PPFIBP1: variants seen among roughly 807,000 people sequenced by gnomAD.
PPFIBP1 encodes the protein liprin-beta-1.
A neutral mutation model predicts 137.8 loss-of-function variants in PPFIBP1; 112 were observed. The observed-to-expected ratio is 0.81, with a 90% CI of 0.70 to 0.95. PPFIBP1 has a LOEUF of 0.95. Among genes scored for constraint, PPFIBP1 ranks in the 40% least tolerant of loss-of-function variants. PPFIBP1 has a pLI of 0.00. For missense variants in PPFIBP1, 1,083 were observed against 1,196.6 expected, an observed-to-expected ratio of 0.91 and a Z score of 1.40; for synonymous variants, 378 against 417.3, an observed-to-expected ratio of 0.91 and a Z score of 1.15.
chr12:27,551,104 A>G (rs144696482), intron 1 of PPFIBP1, among the ~76,000 whole-genome samples: 2 of 152,152 alleles, frequency 1.3e-5, no homozygotes, highest in Non-Finnish European at 2.9e-5. Flanking sequence ...CTTCTCCAAG[A>G]TCACATAGCT....
At chr12:27,563,237 C>T (rs924919819) in intron 1 of PPFIBP1, among the ~76,000 whole-genome samples, 1 of 115,218 alleles carries the variant, frequency 8.7e-6, no homozygotes, top group African/African-American at 3.4e-5. Context: ...GTCAAGAGAT[C>T]AAGACCATCC....
intron 17 of PPFIBP1, among the ~76,000 whole-genome samples, chr12:27,675,684 T>A (rs1323148078): frequency 6.6e-6 from 1 of 152,192 alleles, no homozygotes; most frequent in Non-Finnish European, 1.5e-5. Flanking sequence ...CAACTCAAGA[T>A]GGATTAAGAA....
At chr12:27,636,184 A>C (rs989187197) in intron 4 of PPFIBP1, 2 of 152,128 alleles carry the variant, frequency 1.3e-5, no homozygotes, top group African/African-American at 4.8e-5. Flanking sequence ...CTGTGTTCCC[A>C]CCTGGTTTAC....
chr12:27,623,659 G>A (rs989155760), intron 2 of PPFIBP1, among the ~76,000 whole-genome samples: 8 of 152,236 alleles, frequency 5.3e-5, no homozygotes, highest in South Asian at 2.1e-4. Flanking sequence ...AGTGAGCCGC[G>A]ATCATGCCAC....
chr12:27,630,359 G>C (rs180963777), intron 2 of PPFIBP1, among the ~76,000 whole-genome samples: 94 of 152,216 alleles, frequency 6.2e-4, no homozygotes, highest in Admixed American at 4.8e-3. Flanking sequence ...ATGACTTCCT[G>C]ATGAATTAAC....
In PPFIBP1 at chr12:27,667,332, CT is replaced by C. The variant is rs750561402; in HGVS notation, c.1146+15del. The C allele has an allele frequency of 1.1e-5, 18 of 1,569,108 alleles. No individual in the cohort carries two copies. The highest frequency in any genetic ancestry group is 6.8e-5 in the African/African-American group (5 of 73,330). ...GTGTTCCCGAAGAGGTATTAATAGA[CT>C]TTCAGTATTTCCTTTATGTTGAAGA... On this transcript the variant is annotated intron_variant, in intron 13 of 29. Coordinates refer to ENST00000228425, the MANE Select transcript of PPFIBP1 (RefSeq NM_003622.4).
intron 1 of PPFIBP1, among the ~76,000 whole-genome samples, chr12:27,555,465 A>G (rs1258409098): frequency 1.3e-5 from 2 of 152,224 alleles, no homozygotes; most frequent in Non-Finnish European, 2.9e-5. Flanking sequence ...AGCGGGCTAA[A>G]TAACAGTGAT....
intron 2 of PPFIBP1, among the ~76,000 whole-genome samples, chr12:27,597,898 A>G (rs1355989235): frequency 6.6e-6 from 1 of 152,090 alleles, no homozygotes; most frequent in Non-Finnish European, 1.5e-5. Context: ...CTCTGTCTCC[A>G]GGGTTCAAGG....
chr12:27,556,386 C>T (rs2048706413), intron 1 of PPFIBP1, among the ~76,000 whole-genome samples: 1 of 152,180 alleles, frequency 6.6e-6, no homozygotes, highest in Non-Finnish European at 1.5e-5. Context: ...GAGTGAAAAA[C>T]CAGTTTCAGG....
chr12:27,690,819 T>C (rs2061489447), intron 27 of PPFIBP1, among the ~76,000 whole-genome samples: 1 of 151,998 alleles, frequency 6.6e-6, no homozygotes, highest in Admixed American at 6.6e-5. Context: ...ACTTTAAAAA[T>C]GATTGAAGGT....
At chr12:27,648,887 G>A (rs532707621) in intron 6 of PPFIBP1, among the ~76,000 whole-genome samples, 283 of 152,256 alleles carry the variant, frequency 1.9e-3, no homozygotes, top group Non-Finnish European at 3.7e-3. Flanking sequence ...GGAGGATGGC[G>A]AAGGGGTACA....
intron 2 of PPFIBP1, among the ~76,000 whole-genome samples, chr12:27,603,181 A>C (rs377162199): frequency 1.1e-4 from 17 of 152,204 alleles, no homozygotes; most frequent in East Asian, 7.7e-4. Flanking sequence ...AACTGTGTGC[A>C]TACCAGTTGA....
Position 27,618,098 on chromosome 12 carries a change from T to C in PPFIBP1, c.-35-15264T>C, listed in dbSNP as rs573204636. Among the ~76,000 whole-genome samples, 6 of 152,372 alleles carry C rather than the reference T, an allele frequency of 3.9e-5. No individual in the cohort carries two copies. The South Asian group carries it at 1.2e-3, about 32-fold the overall frequency. ...TCTAAGACATGAAAGAGTCAGAGTCTAACAAGTCCATTAATATTCTATTCT... is the reference window on the plus strand; with the variant it reads ...TCTAAGACATGAAAGAGTCAGAGTCCAACAAGTCCATTAATATTCTATTCT... On this transcript the variant is annotated intron_variant, in intron 2 of 29. Coordinates refer to ENST00000228425, the MANE Select transcript of PPFIBP1 (RefSeq NM_003622.4).
rs752801908 is a variant in PPFIBP1, at chr12:27,671,565, G to A, written c.1262+19G>A. ...AAGAAAAGTATGTCATTTATTAACA[G>A]TGCAATATAAATGTTCAAAAAAGTA... On this transcript the variant is annotated intron_variant, in intron 14 of 29. Transcript: ENST00000228425. 1.4e-6 allele frequency: 2 copies of A among 1,425,976 alleles called. No homozygotes were observed. The highest frequency in any genetic ancestry group is 2.9e-5 in the African/African-American group (2 of 68,822). 88.3% of individuals were successfully genotyped at this position (1,425,976 alleles called of 1,614,324 possible).
intron 27 of PPFIBP1, 94 bp from the exon 28 acceptor site, chr12:27,691,655 G>A: frequency 4.5e-6 from 4 of 886,688 alleles, no homozygotes; most frequent in Non-Finnish European, 6.9e-6. Context: ...TAGGAGGGAG[G>A]GGGCAACGCA....
At chr12:27,533,214 C>T (rs1944600375) in intron 1 of PPFIBP1, among the ~76,000 whole-genome samples, 1 of 152,078 alleles carries the variant, frequency 6.6e-6, no homozygotes, top group Non-Finnish European at 1.5e-5. Context: ...ATTTGAACAT[C>T]TGGAGTTTGA....
chr12:27,568,588 G>A (rs2136593877), intron 1 of PPFIBP1, among the ~76,000 whole-genome samples: 2 of 152,286 alleles, frequency 1.3e-5, no homozygotes, highest in African/African-American at 4.8e-5. Context: ...AGTGCTTGTG[G>A]GTGTAGTGGG....
At chr12:27,588,399 C>G (rs893063253) in intron 2 of PPFIBP1, among the ~76,000 whole-genome samples, 1 of 152,152 alleles carries the variant, frequency 6.6e-6, no homozygotes, top group African/African-American at 2.4e-5. Flanking sequence ...CTAACTTGAT[C>G]TCTAAAGTCA....
Position 27,634,893 on chromosome 12 carries a change from G to A in PPFIBP1, c.65-17G>A. On this transcript the variant is annotated splice_polypyrimidine_tract_variant and intron_variant, in intron 3 of 29. Coordinates refer to ENST00000228425, the MANE Select transcript of PPFIBP1 (RefSeq NM_003622.4). ...ACATAAATCCCATTGCTCTCTCTGT[G>A]ATTTTGTTTAACTTAGGTTCTAAGG... 1 of 1,606,826 alleles carries A rather than the reference G, an allele frequency of 6.2e-7. No homozygotes were observed. Among genetic ancestry groups the A allele is most frequent in the Non-Finnish European group, 8.5e-7 (1 of 1,173,916 alleles).
Sources: allele counts gnomAD v4.1 joint callset (sites outside exome capture counted in the v4.1 genomes callset), GRCh38; gene constraint gnomAD v4.1.1; transcripts MANE v1.5; gene names NCBI Gene and HGNC (gene_info 2026-07-23, HGNC 2026-07-21).